The following NBEA variants were observed in gnomAD, a reference collection of about 807,000 sequenced individuals.
The protein encoded by NBEA is neurobeachin.
A neutral mutation model predicts 343.4 loss-of-function variants in NBEA; 44 were observed. The ratio of observed to expected loss-of-function variants is 0.13; its 90% CI spans 0.10 to 0.16. The LOEUF (loss-of-function observed/expected upper bound fraction) is 0.16, where lower values mean the gene tolerates loss of function less well. Ranked by LOEUF, NBEA falls within the 10% of genes least tolerant of loss-of-function variation. NBEA has a pLI of 1.00. For missense variants in NBEA, 2,555 were observed against 3,631.3 expected (o/e 0.70, Z 7.62); for synonymous variants, 1,175 against 1,238.7 (o/e 0.95, Z 1.08).
chr13:35,099,446 C>T (rs531179690), intron 11 of NBEA, among the ~76,000 whole-genome samples: 7 of 152,142 alleles, frequency 4.6e-5, no homozygotes, highest in Admixed American at 2.0e-4. Context: ...GTGATCTGCC[C>T]GCCTTGGACT....
chr13:35,287,096 T>C (rs2035476461), intron 34 of NBEA, among the ~76,000 whole-genome samples: 1 of 152,020 alleles, frequency 6.6e-6, no homozygotes, highest in Non-Finnish European at 1.5e-5. Context: ...CTCCCAAATA[T>C]ACAAGCCTCC....
chr13:35,278,667 A>T (rs984410846), intron 34 of NBEA, among the ~76,000 whole-genome samples: 2 of 152,204 alleles, frequency 1.3e-5, no homozygotes, highest in Non-Finnish European at 2.9e-5. Context: ...CTGCTATCAT[A>T]TATCTTATTT....
rs771271035 is a variant in NBEA at position 35,015,127 on chromosome 13, G to GAAA, written c.295-25796_295-25794dup. On this transcript the variant is annotated intron_variant, in intron 1 of 58. Transcript: ENST00000379939. ...TTCTCAACAAAAAGCAACGAGATCT[G>GAAA]AAAAAAAAAAAACAAACAAAAAAAA... Among the ~76,000 whole-genome samples, 65 of 18,316 alleles carry GAAA rather than the reference G, an allele frequency of 3.5e-3. 21 individuals carry two copies. Among genetic ancestry groups the GAAA allele is most frequent in the African/African-American group, 5.1e-3 (21 of 4,154 alleles). The allele number at this position is 18,316 out of a possible 152,430, so 12.0% of individuals were successfully genotyped here.
At chr13:35,118,544 T>C (rs1001286665) in intron 16 of NBEA, 70 bp downstream of exon 16, 1 of 1,113,052 alleles carries the variant, frequency 9.0e-7, no homozygotes, top group African/African-American at 1.6e-5. Context: ...GAATAACTGC[T>C]ATTCTATGAA....
intron 40 of NBEA, 141 bp from the exon 41 acceptor site, chr13:35,472,259 G>T: frequency 1.3e-6 from 1 of 795,896 alleles, no homozygotes; most frequent in Non-Finnish European, 1.9e-6. Flanking sequence ...CTTATCTTAC[G>T]TGAAAAAAGA....
chr13:34,978,747 T>A (rs2060262226), intron 1 of NBEA, among the ~76,000 whole-genome samples: 1 of 152,228 alleles, frequency 6.6e-6, no homozygotes, highest in African/African-American at 2.4e-5. Flanking sequence ...AAACTTCTTT[T>A]ATTTAACAGA....
chr13:35,289,215 A>G (rs916444538), intron 34 of NBEA, among the ~76,000 whole-genome samples: 28 of 151,914 alleles, frequency 1.8e-4, no homozygotes, highest in Non-Finnish European at 7.4e-5. Context: ...AGCAACAAAT[A>G]ATGTTAAGAC....
chr13:35,259,656 T>A (rs1202911159), intron 34 of NBEA, among the ~76,000 whole-genome samples: 1 of 151,950 alleles, frequency 6.6e-6, no homozygotes, highest in African/African-American at 2.4e-5. Context: ...TTATTAGCAA[T>A]TTTAAAAAAT....
chr13:35,485,734 C>T (rs1465448699), intron 41 of NBEA, among the ~76,000 whole-genome samples: 3 of 152,060 alleles, frequency 2.0e-5, no homozygotes, highest in Non-Finnish European at 4.4e-5. Flanking sequence ...GATTACCTTT[C>T]TTCAGATAGT....
At chr13:35,209,219 T>G (rs994360251) in intron 32 of NBEA, among the ~76,000 whole-genome samples, 1 of 152,134 alleles carries the variant, frequency 6.6e-6, no homozygotes, top group Non-Finnish European at 1.5e-5. Flanking sequence ...ACTAAAAATG[T>G]TAGTGACAGA....
intron 17 of NBEA, among the ~76,000 whole-genome samples, chr13:35,124,631 TAC>T (rs150690306): frequency 0.2 from 29,461 of 143,896 alleles, 3,576 homozygotes; most frequent in Middle Eastern, 0.42. Context: ...TGGATATACA[TAC>T]ACACACATAT....
chr13:35,518,986 A>G (rs138570045), intron 41 of NBEA, among the ~76,000 whole-genome samples: 1 of 152,214 alleles, frequency 6.6e-6, no homozygotes, highest in Non-Finnish European at 1.5e-5. Flanking sequence ...TTCCCTTTGC[A>G]TTAAGCAAAT....
At chr13:35,174,607 A>T (rs1445029663) in intron 27 of NBEA, among the ~76,000 whole-genome samples, 1 of 152,074 alleles carries the variant, frequency 6.6e-6, no homozygotes, top group East Asian at 1.9e-4. Flanking sequence ...CACTACTGTC[A>T]GAGAACATTT....
intron 11 of NBEA, among the ~76,000 whole-genome samples, chr13:35,104,746 A>C (rs1432541114): frequency 6.6e-6 from 1 of 151,930 alleles, no homozygotes; most frequent in East Asian, 1.9e-4. Context: ...TATTAATAAC[A>C]ATTTTACTGT....
intron 34 of NBEA, among the ~76,000 whole-genome samples, chr13:35,237,525 C>A (rs1001219048): frequency 2.0e-5 from 3 of 152,126 alleles, no homozygotes; most frequent in African/African-American, 7.2e-5. Context: ...TGTATCAAAG[C>A]ATTATGAAGA....
At chr13:35,413,587 T>G (rs915542448) in intron 38 of NBEA, among the ~76,000 whole-genome samples, 5 of 152,108 alleles carry the variant, frequency 3.3e-5, no homozygotes, top group South Asian at 2.1e-4. Flanking sequence ...ATCAAAAATT[T>G]TATTGAGGAA....
At position 35,179,779 on chromosome 13, in the gene NBEA, A is replaced by G. The variant is rs2071181488; in HGVS notation, c.4663-2581A>G. ...ATTATGGTCTGTCACAGCTTGAGCA[A>G]TGTGTGAATCTGTTCTTGGTTGGTA... On this transcript the variant is annotated intron_variant, in intron 28 of 58. Transcript: ENST00000379939. The G allele has an allele frequency of 5.1e-6, 5 of 984,730 alleles. No homozygotes were observed. The South Asian group carries it at 1.4e-4, about 28-fold the overall frequency. The allele number at this position is 984,730 out of a possible 1,614,324, so 61.0% of individuals were successfully genotyped here.
intron 36 of NBEA, among the ~76,000 whole-genome samples, chr13:35,348,136 G>T (rs1221807279): frequency 6.6e-6 from 1 of 152,014 alleles, no homozygotes; most frequent in Non-Finnish European, 1.5e-5. Flanking sequence ...AGAGCATGTG[G>T]GATGGGAAAT....
intron 10 of NBEA, among the ~76,000 whole-genome samples, chr13:35,076,902 G>C (rs144185342): frequency 1.3e-5 from 2 of 151,752 alleles, no homozygotes; most frequent in African/African-American, 4.8e-5. Flanking sequence ...TATGACAGTC[G>C]TGCAGGTATA....
Sources: allele counts gnomAD v4.1 joint callset (sites outside exome capture counted in the v4.1 genomes callset), GRCh38; gene constraint gnomAD v4.1.1; transcripts MANE v1.5; gene names NCBI Gene and HGNC (gene_info 2026-07-23, HGNC 2026-07-21).